USP36: variants seen among roughly 807,000 people sequenced by gnomAD.
USP36 encodes ubiquitin specific peptidase 36, also known as ubiquitin carboxyl-terminal hydrolase 36.
In USP36, 59 loss-of-function variants were observed where a neutral mutation model predicts 111.5. That is an observed-to-expected ratio of 0.53 (90% CI 0.43 to 0.66). The LOEUF is 0.66. Ranked by LOEUF, USP36 falls within the 30% of genes least tolerant of loss-of-function variation. The probability of loss-of-function intolerance (pLI) is 0.00; values close to 1 mark genes in which losing one functional copy is unlikely to be tolerated. For synonymous variants in USP36, 628 were observed against 581.0 expected, an observed-to-expected ratio of 1.08 and a Z score of -1.16; for missense variants, 1,488 against 1,468.0, an observed-to-expected ratio of 1.01 and a Z score of -0.22.
rs1048492321 is a variant in USP36, at chr17:78,804,072, A to C, written c.2217-94T>G. 8.9e-6 allele frequency: 8 copies of C among 902,276 alleles called. No homozygotes were observed. In the African/African-American group the frequency reaches 1.0e-4, roughly 11 times the overall value. 55.9% of individuals were successfully genotyped at this position (902,276 alleles called of 1,614,324 possible). A position where few individuals can be genotyped will look rare whatever the true frequency, so the allele number is the denominator to read the frequency against. On this transcript the variant is annotated intron_variant, in intron 15 of 20. Transcript: ENST00000449938. ...ACCCTCACTCCCCTCCCTTTCACCT[A>C]AAAATCTGAAAAGGCTTTTACCCTG...
intron 15 of USP36, 134 bp downstream of exon 15, chr17:78,806,022 C>T (rs942628209): frequency 3.4e-6 from 5 of 1,482,224 alleles, no homozygotes; most frequent in Admixed American, 2.2e-5. Context: ...GTGACGCCCC[C>T]CTGTACCTCC....
rs531728880 is a variant in USP36 at position 78,835,134 on chromosome 17, T to C, written c.475+146A>G. 1.1e-4 allele frequency: 91 copies of C among 839,576 alleles called. No individual in the cohort carries two copies. The East Asian group carries it at 2.4e-3, about 22-fold the overall frequency. 52.0% of individuals were successfully genotyped at this position (839,576 alleles called of 1,614,324 possible). On this transcript the variant is annotated intron_variant, in intron 4 of 20. Coordinates refer to ENST00000449938, the MANE Select transcript of USP36 (RefSeq NM_001385174.1). ...ATGGCCCATTCTGCAGCAGGCATGA[T>C]TCAAATTTAGGTTTCATCAGTTACT...
downstream of USP36, among the ~76,000 whole-genome samples, chr17:78,793,006 G>A (rs1368232025): frequency 6.6e-6 from 1 of 151,854 alleles, no homozygotes; most frequent in Admixed American, 6.6e-5. Flanking sequence ...GTGAGCCACC[G>A]CGCCCGCCCC....
At chr17:78,793,106 C>T (rs1333836510), downstream of USP36, among the ~76,000 whole-genome samples, 1 of 151,974 alleles carries the variant, frequency 6.6e-6, no homozygotes, top group Non-Finnish European at 1.5e-5. Flanking sequence ...AATGCCTCTC[C>T]CCAGGTGCTC....
chr17:78,813,866 T>C lies in USP36; in HGVS notation c.1172A>G (p.Asn391Ser), dbSNP rs745582308. 227 of 1,613,974 alleles carry C rather than the reference T, an allele frequency of 1.4e-4. 1 individual carries two copies. The South Asian group carries it at 1.8e-3, about 13-fold the overall frequency. The part of the protein sequence containing the change: ...GHYYCYVKAS[N>S]GQWYQMNDSL... ...ATCATTCATCTGGTACCACTGTCCATTGCTTGCCTGAAGCAGCCAAGGATG... is the reference window on the plus strand; with the variant it reads ...ATCATTCATCTGGTACCACTGTCCACTGCTTGCCTGAAGCAGCCAAGGATG... The change falls in exon 12 of 21, where the codon AAT becomes AGT. Residue 391 changes from asparagine (N) to serine (S), a missense_variant. This residue lies in a region of USP36 where 1,073 missense variants were observed against 994.1 expected (regional missense o/e 1.08). Transcript: ENST00000449938.
At chr17:78,836,413 A>G in intron 2 of USP36, 41 bp from the exon 3 acceptor site, 1 of 1,591,770 alleles carries the variant, frequency 6.3e-7, no homozygotes, top group East Asian at 2.2e-5. Flanking sequence ...AGATAACGAA[A>G]TCCCGGGACA....
chr17:78,807,494 T>C lies in USP36; in HGVS notation c.1550A>G (p.Lys517Arg), dbSNP rs772426162. 1 of 1,613,756 alleles carries C rather than the reference T, an allele frequency of 6.2e-7. No homozygotes were observed. The highest frequency in any genetic ancestry group is 1.1e-5 in the South Asian group (1 of 91,052). Residue 517 changes from lysine to arginine, a missense_variant, in exon 14 of 21, where the codon AAA becomes AGA. This residue lies in a region of USP36 where 1,073 missense variants were observed against 994.1 expected (regional missense o/e 1.08). Coordinates refer to ENST00000449938, the MANE Select transcript of USP36 (RefSeq NM_001385174.1). ...CATGTGTGTGGGTGTCTGGGAGAGT[T>C]TGGGGGAAGGGGACCCCGAGGGCAG... ...PKLPSGSPSP[K>R]LSQTPTHMPT...
chr17:78,829,486 A>T (rs938342758), intron 4 of USP36, among the ~76,000 whole-genome samples: 4 of 152,176 alleles, frequency 2.6e-5, no homozygotes, highest in Non-Finnish European at 5.9e-5. Context: ...GGTTCTAGTA[A>T]ACACCTCGCT....
downstream of USP36, among the ~76,000 whole-genome samples, chr17:78,793,656 C>T (rs2093601083): frequency 6.6e-6 from 1 of 152,154 alleles, no homozygotes; most frequent in South Asian, 2.1e-4. Flanking sequence ...CCTTGGCGTA[C>T]CCACATCCTC....
chr17:78,824,738 C>T (rs1412287680), intron 6 of USP36, among the ~76,000 whole-genome samples: 1 of 152,136 alleles, frequency 6.6e-6, no homozygotes, highest in Non-Finnish European at 1.5e-5. Flanking sequence ...TGTGAAGGGG[C>T]TTAACCTGCC....
At chr17:78,830,798 T>C (rs1314044763) in intron 4 of USP36, among the ~76,000 whole-genome samples, 1 of 152,116 alleles carries the variant, frequency 6.6e-6, no homozygotes, top group Non-Finnish European at 1.5e-5. Flanking sequence ...TGAGATTGCC[T>C]TTACATAAAG....
Position 78,825,106 on chromosome 17 carries a change from T to C in USP36, c.689+2139A>G, listed in dbSNP as rs556152074. ...AACAGATGAAGGGGACAAGAGCACATGGATATAGAAAATGAAAACTGCATC... is the reference window on the plus strand; with the variant it reads ...AACAGATGAAGGGGACAAGAGCACACGGATATAGAAAATGAAAACTGCATC... On this transcript the variant is annotated intron_variant, in intron 6 of 20. Transcript: ENST00000449938. Among the ~76,000 whole-genome samples, 9 of 152,086 alleles carry C rather than the reference T, an allele frequency of 5.9e-5. No individual in the cohort carries two copies. In the East Asian group the frequency reaches 1.5e-3, roughly 26 times the overall value.
At chr17:78,824,660 C>A (rs116034148) in intron 6 of USP36, among the ~76,000 whole-genome samples, 2 of 152,128 alleles carry the variant, frequency 1.3e-5, no homozygotes, top group African/African-American at 2.4e-5. Flanking sequence ...AAATATGCTA[C>A]CTATAATTAC....
intron 6 of USP36, among the ~76,000 whole-genome samples, chr17:78,822,885 C>T (rs539578086): frequency 5.3e-5 from 8 of 152,286 alleles, no homozygotes; most frequent in African/African-American, 1.7e-4. Flanking sequence ...CTGCGCAGTG[C>T]GCCGGTGCAC....
At chr17:78,809,343 A>G (rs542621867) in intron 13 of USP36, among the ~76,000 whole-genome samples, 3 of 152,206 alleles carry the variant, frequency 2.0e-5, no homozygotes, top group African/African-American at 7.2e-5. Context: ...CCTACATTCT[A>G]TTCTTTGTTA....
intron 2 of USP36, 32 bp from the exon 3 acceptor site, chr17:78,836,404 G>A (rs745488086): frequency 9.4e-6 from 15 of 1,598,674 alleles, no homozygotes; most frequent in Non-Finnish European, 1.3e-5. Context: ...TAGAGCCATA[G>A]ATAACGAAAT....
chr17:78,821,496 T>A (rs2094331307), intron 7 of USP36: 1 of 146,122 alleles, frequency 6.8e-6, no homozygotes, highest in Admixed American at 7.0e-5. Flanking sequence ...GGTGGGATCT[T>A]GGCTCACTGC....
At position 78,831,073 on chromosome 17, in the gene USP36, ACAATTAGCCAGG is replaced by A. The variant is rs1010496374; in HGVS notation, c.476-2078_476-2067del. On this transcript the variant is annotated intron_variant, in intron 4 of 20. Coordinates refer to ENST00000449938, the MANE Select transcript of USP36 (RefSeq NM_001385174.1). ...AACCCCGTCTCTACTACAAATACAA[ACAATTAGCCAGG>A]CATGGTGGCACGTGCCTGTAGTCCC... Among the ~76,000 whole-genome samples, 12 of 151,558 alleles carry A rather than the reference ACAATTAGCCAGG, an allele frequency of 7.9e-5. No homozygotes were observed. The South Asian group carries it at 1.3e-3, about 16-fold the overall frequency.
chr17:78,829,975 G>A (rs2067936782), intron 4 of USP36, among the ~76,000 whole-genome samples: 1 of 152,218 alleles, frequency 6.6e-6, no homozygotes, highest in Non-Finnish European at 1.5e-5. Flanking sequence ...TCCTGACCTT[G>A]TGATCCACCT....
Sources: allele counts gnomAD v4.1 joint callset (sites outside exome capture counted in the v4.1 genomes callset), GRCh38; gene constraint gnomAD v4.1.1; regional missense constraint gnomAD v4.1.1; transcripts MANE v1.5; gene names NCBI Gene and HGNC (gene_info 2026-07-23, HGNC 2026-07-21).